The following SGCD variants were observed in gnomAD, a reference collection of about 807,000 sequenced individuals.
SGCD encodes the protein sarcoglycan delta, also known as delta-sarcoglycan.
Under a neutral mutation model 36.6 loss-of-function variants are expected in SGCD, and 18 were observed. That is an observed-to-expected ratio of 0.49 (90% CI 0.34 to 0.73). SGCD has a LOEUF of 0.73. SGCD is among the 30% of genes least tolerant of loss of function. The pLI is 0.01. For synonymous variants in SGCD, 133 were observed against 130.6 expected (o/e 1.02, Z -0.12); for missense variants, 387 against 346.7 (o/e 1.12, Z -0.92).
chr5:156,589,811 G>C (rs1020488015), intron 5 of SGCD, among the ~76,000 whole-genome samples: 1 of 152,208 alleles, frequency 6.6e-6, no homozygotes, highest in African/African-American at 2.4e-5. Flanking sequence ...GCAGGATGTG[G>C]ATGTATCTTT....
At chr5:155,728,284 G>T in the SGCD span, among the ~76,000 whole-genome samples, 1 of 152,118 alleles carries the variant, frequency 6.6e-6, no homozygotes, top group Non-Finnish European at 1.5e-5. Context: ...CGCTGCTGCC[G>T]CTGCTGCCGC....
chr5:156,409,128 T>C (rs1010420033), intron 3 of SGCD, among the ~76,000 whole-genome samples: 11 of 151,850 alleles, frequency 7.2e-5, no homozygotes, highest in African/African-American at 2.7e-4. Context: ...CCATACTTGC[T>C]TTTTTTTACT....
At chr5:155,853,028 G>A in the SGCD span, among the ~76,000 whole-genome samples, 2 of 149,606 alleles carry the variant, frequency 1.3e-5, no homozygotes, top group African/African-American at 5.1e-5. Flanking sequence ...CATTTCCATA[G>A]GCTAAATATC....
chr5:155,846,908 T>C, the SGCD span, among the ~76,000 whole-genome samples: 1 of 152,222 alleles, frequency 6.6e-6, no homozygotes, highest in Non-Finnish European at 1.5e-5. Context: ...TGCTGGTAAC[T>C]GAGTTTGATT....
intron 4 of SGCD, among the ~76,000 whole-genome samples, chr5:156,540,306 TA>T (rs1561765678): frequency 6.6e-6 from 1 of 152,162 alleles, no homozygotes; most frequent in Non-Finnish European, 1.5e-5. Context: ...ATTTGTCACT[TA>T]TTTTTTTTAG....
At chr5:156,708,653 T>A (rs1325745299) in intron 7 of SGCD, among the ~76,000 whole-genome samples, 3 of 44,580 alleles carry the variant, frequency 6.7e-5, no homozygotes, top group Non-Finnish European at 1.1e-4. Context: ...AAAGCACTAC[T>A]CTTCAAATAC....
At chr5:155,862,291 A>G in the SGCD span, among the ~76,000 whole-genome samples, 2 of 152,266 alleles carry the variant, frequency 1.3e-5, no homozygotes, top group South Asian at 4.1e-4. Flanking sequence ...TGTAGTAATT[A>G]TAATTAGCCA....
intron 4 of SGCD, among the ~76,000 whole-genome samples, chr5:156,584,990 A>G (rs767460999): frequency 2.0e-5 from 3 of 152,232 alleles, no homozygotes; most frequent in Admixed American, 6.5e-5. Flanking sequence ...AAAAGCTGGC[A>G]GTCCCCTTGC....
chr5:156,719,550 T>C (rs1000689898), intron 7 of SGCD, among the ~76,000 whole-genome samples: 3 of 152,152 alleles, frequency 2.0e-5, no homozygotes, highest in African/African-American at 7.2e-5. Context: ...AACTGCTGTA[T>C]CTAGCACATT....
chr5:155,934,060 A>G (rs1757149646), intron 1 of SGCD, among the ~76,000 whole-genome samples: 1 of 152,216 alleles, frequency 6.6e-6, no homozygotes, highest in Non-Finnish European at 1.5e-5. Context: ...CAAAATTCAA[A>G]TTTCAGAAAG....
intron 4 of SGCD, among the ~76,000 whole-genome samples, chr5:156,520,340 A>G (rs1449085974): frequency 6.6e-6 from 1 of 152,216 alleles, no homozygotes; most frequent in Non-Finnish European, 1.5e-5. Flanking sequence ...GGAGAGTTAC[A>G]AACTACTGCT....
chr5:155,857,675 G>T, the SGCD span, among the ~76,000 whole-genome samples: 1 of 152,182 alleles, frequency 6.6e-6, no homozygotes, highest in South Asian at 2.1e-4. Flanking sequence ...AGGAAGGATA[G>T]ATTATAAAGG....
intron 3 of SGCD, among the ~76,000 whole-genome samples, chr5:156,481,935 C>T: frequency 6.6e-6 from 1 of 152,134 alleles, no homozygotes; most frequent in East Asian, 1.9e-4. Context: ...CTGCTTATGC[C>T]ACGTTCAGGG....
chr5:156,666,883 A>G (rs1581364397), intron 7 of SGCD, among the ~76,000 whole-genome samples: 1 of 152,180 alleles, frequency 6.6e-6, no homozygotes, highest in African/African-American at 2.4e-5. Flanking sequence ...GCTTTTCCCC[A>G]CAGCAGTGAG....
chr5:155,800,389 G>T, the SGCD span, among the ~76,000 whole-genome samples: 1 of 152,206 alleles, frequency 6.6e-6, no homozygotes, highest in African/African-American at 2.4e-5. Context: ...CTCAGTTACT[G>T]CAGATCCTAG....
intron 5 of SGCD, among the ~76,000 whole-genome samples, chr5:156,593,412 C>T (rs1231124766): frequency 1.3e-5 from 2 of 152,172 alleles, no homozygotes; most frequent in Non-Finnish European, 2.9e-5. Flanking sequence ...ACAAACACAA[C>T]TCTGGTCATG....
the SGCD span, among the ~76,000 whole-genome samples, chr5:155,762,000 C>A: frequency 6.6e-6 from 1 of 152,172 alleles, no homozygotes; most frequent in African/African-American, 2.4e-5. Context: ...GTATTGTTAT[C>A]TCTTCTTTAC....
intron 4 of SGCD, among the ~76,000 whole-genome samples, chr5:156,543,125 C>T (rs965322513): frequency 5.3e-5 from 8 of 152,286 alleles, no homozygotes; most frequent in East Asian, 1.9e-4. Context: ...TCATCTAAAC[C>T]AGTGTTTCTC....
Position 156,634,465 on chromosome 5 carries a change from C to T in SGCD, c.503-12999C>T, listed in dbSNP as rs890782097. Among the ~76,000 whole-genome samples, 21 of 145,076 alleles carry T rather than the reference C, an allele frequency of 1.4e-4. 1 individual carries two copies. The highest frequency in any genetic ancestry group is 5.5e-4 in the African/African-American group (19 of 34,862). On this transcript the variant is annotated intron_variant, in intron 6 of 8. Transcript: ENST00000337851. The stretch of plus-strand genomic sequence containing the variant: ...AAAAAACAAAGGAAAACAGCAACAA[C>T]AACAACAACAACAACAAACCTCAGT...
Sources: allele counts gnomAD v4.1 joint callset (sites outside exome capture counted in the v4.1 genomes callset), GRCh38; gene constraint gnomAD v4.1.1; transcripts MANE v1.5; gene names NCBI Gene and HGNC (gene_info 2026-07-23, HGNC 2026-07-21).